SLC24A2: variants seen among roughly 807,000 people sequenced by gnomAD.
SLC24A2 encodes the protein sodium/potassium/calcium exchanger 2.
Under a neutral mutation model 62.0 loss-of-function variants are expected in SLC24A2, and 36 were observed. That is an observed-to-expected ratio of 0.58 (90% CI 0.44 to 0.77). The LOEUF (loss-of-function observed/expected upper bound fraction) is 0.77, where lower values mean the gene tolerates loss of function less well. Among genes scored for constraint, SLC24A2 ranks in the 30% least tolerant of loss-of-function variants. The pLI, the probability that SLC24A2 is intolerant of heterozygous loss-of-function variation, is 0.00. For missense variants in SLC24A2, 846 were observed against 817.9 expected (o/e 1.03, Z -0.42); for synonymous variants, 358 against 294.0 (o/e 1.22, Z -2.23).
At chr9:20,013,481 T>C in the SLC24A2 span, among the ~76,000 whole-genome samples, 2 of 151,906 alleles carry the variant, frequency 1.3e-5, no homozygotes, top group African/African-American at 4.8e-5. Context: ...ATGAGGGAAA[T>C]GCTTCATGAC....
chr9:20,116,174 G>C, the SLC24A2 span, among the ~76,000 whole-genome samples: 4 of 152,166 alleles, frequency 2.6e-5, no homozygotes, highest in African/African-American at 9.6e-5. Context: ...CCTAATTCAG[G>C]AGCCCAGCAT....
chr9:19,991,129 T>G, the SLC24A2 span, among the ~76,000 whole-genome samples: 1 of 151,658 alleles, frequency 6.6e-6, no homozygotes, highest in Non-Finnish European at 1.5e-5. Context: ...AGTCCCACAA[T>G]AGGCCATCTG....
chr9:20,008,177 T>G, the SLC24A2 span, among the ~76,000 whole-genome samples: 1 of 152,020 alleles, frequency 6.6e-6, no homozygotes, highest in Non-Finnish European at 1.5e-5. Flanking sequence ...ATTACAGGCT[T>G]AAGCCACTGC....
the SLC24A2 span, among the ~76,000 whole-genome samples, chr9:19,935,732 C>T: frequency 8.5e-5 from 13 of 152,280 alleles, no homozygotes; most frequent in South Asian, 2.1e-4. Flanking sequence ...AGGTCCCCCA[C>T]GTGTCTGATG....
the SLC24A2 span, among the ~76,000 whole-genome samples, chr9:20,268,850 G>C: frequency 1.3e-5 from 2 of 152,168 alleles, no homozygotes; most frequent in Admixed American, 6.5e-5. Flanking sequence ...AAAATAAATG[G>C]TATGTGTGTG....
At chr9:20,281,433 C>A in the SLC24A2 span, among the ~76,000 whole-genome samples, 2 of 152,134 alleles carry the variant, frequency 1.3e-5, no homozygotes, top group African/African-American at 2.4e-5. Flanking sequence ...AGATCCAAAA[C>A]GGAACATTAC....
chr9:19,703,768 A>T (rs1014159466), intron 2 of SLC24A2, among the ~76,000 whole-genome samples: 1 of 152,190 alleles, frequency 6.6e-6, no homozygotes, highest in African/African-American at 2.4e-5. Context: ...AAATGCACAT[A>T]TATGACAGGA....
intron 2 of SLC24A2, among the ~76,000 whole-genome samples, chr9:19,653,784 G>T (rs941934931): frequency 6.6e-6 from 1 of 152,160 alleles, no homozygotes; most frequent in African/African-American, 2.4e-5. Context: ...CAATGTGACA[G>T]CTGATGCTTG....
chr9:20,090,412 C>A, the SLC24A2 span, among the ~76,000 whole-genome samples: 1 of 152,170 alleles, frequency 6.6e-6, no homozygotes, highest in Non-Finnish European at 1.5e-5. Context: ...ACAGCCAGCA[C>A]TCAAGTGGGA....
chr9:19,606,503 C>T (rs1037057592), intron 4 of SLC24A2, among the ~76,000 whole-genome samples: 6 of 152,206 alleles, frequency 3.9e-5, no homozygotes, highest in East Asian at 1.9e-4. Flanking sequence ...AGGGAGTTAA[C>T]TAGTCTGGGG....
chr9:20,189,181 C>T, the SLC24A2 span, among the ~76,000 whole-genome samples: 2 of 150,596 alleles, frequency 1.3e-5, no homozygotes, highest in Non-Finnish European at 2.9e-5. Context: ...GGTTCGATCT[C>T]AATTTTCAAA....
At chr9:19,614,518 G>A (rs917304548) in intron 4 of SLC24A2, among the ~76,000 whole-genome samples, 1 of 152,202 alleles carries the variant, frequency 6.6e-6, no homozygotes, top group Admixed American at 6.5e-5. Context: ...CACATCCAAG[G>A]TGGTTTCACC....
the SLC24A2 span, among the ~76,000 whole-genome samples, chr9:20,244,018 C>A: frequency 2.6e-5 from 4 of 152,108 alleles, no homozygotes; most frequent in Non-Finnish European, 4.4e-5. Context: ...GCTGTCCCAG[C>A]CTGTGAAACT....
intron 4 of SLC24A2, among the ~76,000 whole-genome samples, chr9:19,616,089 G>A (rs889300386): frequency 1.3e-5 from 2 of 151,654 alleles, no homozygotes; most frequent in African/African-American, 2.4e-5. Context: ...ACTGGAAACT[G>A]TGGTTTCCTC....
At chr9:20,263,867 C>CCCCG in the SLC24A2 span, among the ~76,000 whole-genome samples, 1 of 109,562 alleles carries the variant, frequency 9.1e-6, no homozygotes, top group Non-Finnish European at 1.9e-5. Context: ...ACCCGCCCCC[C>CCCCG]CCCCCCCATT....
the SLC24A2 span, among the ~76,000 whole-genome samples, chr9:19,991,919 C>T: frequency 6.6e-6 from 1 of 151,982 alleles, no homozygotes; most frequent in Non-Finnish European, 1.5e-5. Context: ...GAGACATTTC[C>T]CAGGTAAAAG....
At chr9:19,619,159 C>G (rs556557212) in intron 4 of SLC24A2, among the ~76,000 whole-genome samples, 1 of 152,318 alleles carries the variant, frequency 6.6e-6, no homozygotes, top group East Asian at 1.9e-4. Flanking sequence ...CCCCAAACCA[C>G]TCATGGACCT....
rs186783595 is a variant in SLC24A2, at chr9:19,531,376, A to G, written c.1480-3238T>C. Among the ~76,000 whole-genome samples, 9 of 152,310 alleles carry G rather than the reference A, an allele frequency of 5.9e-5. No individual in the cohort carries two copies. The South Asian group carries it at 1.0e-3, about 18-fold the overall frequency. Reference sequence around the variant, plus strand: ...ATAGCTCTTGGAGCCAAGGTCTAACATGACAATTTATGGTTATAGTAATGG... The same window carrying G: ...ATAGCTCTTGGAGCCAAGGTCTAACGTGACAATTTATGGTTATAGTAATGG... On this transcript the variant is annotated intron_variant, in intron 8 of 10. Transcript: ENST00000341998.
the SLC24A2 span, among the ~76,000 whole-genome samples, chr9:20,299,109 G>T: frequency 6.6e-6 from 1 of 152,216 alleles, no homozygotes; most frequent in Non-Finnish European, 1.5e-5. Flanking sequence ...GGCTAGATGG[G>T]AAAGCTTGGA....
Sources: gnomAD v4.1 joint callset for allele counts (sites outside exome capture counted in the v4.1 genomes callset) on GRCh38, gnomAD v4.1.1 for gene constraint, MANE v1.5 for transcripts, NCBI Gene and HGNC (gene_info 2026-07-23, HGNC 2026-07-21) for gene names.